CABLES2: variants seen among roughly 807,000 people sequenced by gnomAD.
The protein encoded by CABLES2 is Cdk5 and Abl enzyme substrate 2.
A neutral mutation model predicts 44.8 loss-of-function variants in CABLES2; 35 were observed. The observed-to-expected ratio is 0.78, with a 90% CI of 0.60 to 1.04. The LOEUF is 1.04. CABLES2 is among the 50% of genes least tolerant of loss of function. CABLES2 has a pLI of 0.00. For synonymous variants in CABLES2, 282 were observed against 281.1 expected (o/e 1.00, Z -0.03); for missense variants, 566 against 615.7 (o/e 0.92, Z 0.85).
Position 62,398,088 on chromosome 20 carries a change from A to ATGGTGGTGGTGGTGGTGG in CABLES2, c.363-1497_363-1496insCCACCACCACCACCACCA, listed in dbSNP as rs1569017555. On this transcript the variant is annotated intron_variant, in intron 1 of 9. Transcript: ENST00000279101. ...GGTGGTGACGGTGGTGGTGGTGGTG[A>ATGGTGGTGGTGGTGGTGG]CGGTGGTGGTGGTGGTGATGGTGGT... 5.7e-5 allele frequency among the ~76,000 whole-genome samples: 3 copies of ATGGTGGTGGTGGTGGTGG among 52,248 alleles called. No homozygotes were observed. In the Admixed American group the frequency reaches 5.7e-4, roughly 10 times the overall value. The allele number at this position is 52,248 out of a possible 152,430, so 34.3% of individuals were successfully genotyped here.
intron 4 of CABLES2, among the ~76,000 whole-genome samples, 178 bp from the exon 5 acceptor site, chr20:62,394,443 A>G (rs1385612456): frequency 6.6e-6 from 1 of 152,198 alleles, no homozygotes; most frequent in Non-Finnish European, 1.5e-5. Context: ...CTTTCATGGA[A>G]GGAGGGGTTT....
intron 1 of CABLES2, among the ~76,000 whole-genome samples, chr20:62,397,600 G>C (rs1307186560): frequency 6.6e-6 from 1 of 152,120 alleles, no homozygotes; most frequent in Non-Finnish European, 1.5e-5. Context: ...TAACTCTCAG[G>C]GTCACGCAAC....
chr20:62,393,957 G>T (rs557920175), intron 5 of CABLES2, among the ~76,000 whole-genome samples, 200 bp downstream of exon 5: 1 of 152,322 alleles, frequency 6.6e-6, no homozygotes, highest in East Asian at 1.9e-4. Flanking sequence ...CAGACCTCAG[G>T]CACGGCCAGG....
intron 1 of CABLES2, chr20:62,405,704 G>A (rs1359024263): frequency 6.6e-6 from 1 of 152,312 alleles, no homozygotes; most frequent in East Asian, 1.9e-4. Context: ...ATGACCTCCA[G>A]GTAAGCAAGG....
rs1987901358 is a variant in CABLES2 at position 62,390,833 on chromosome 20, A to C, written c.*138T>G. On this transcript the variant is annotated 3_prime_UTR_variant, in exon 10 of 10. Coordinates refer to ENST00000279101, the MANE Select transcript of CABLES2 (RefSeq NM_031215.3). ...GAAATGGCAAAGAGGCAAAAAGGAA[A>C]GCTGCACCAGCGGAGGCCAGGTGCC... 1 of 972,014 alleles carries C rather than the reference A, an allele frequency of 1.0e-6. No homozygotes were observed. Among genetic ancestry groups the C allele is most frequent in the Admixed American group, 2.4e-5 (1 of 41,052 alleles). 60.2% of individuals were successfully genotyped at this position (972,014 alleles called of 1,614,324 possible). A position where few individuals can be genotyped will look rare whatever the true frequency, so the allele number is the denominator to read the frequency against.
intron 1 of CABLES2, among the ~76,000 whole-genome samples, chr20:62,401,107 C>T (rs576664992): frequency 3.9e-5 from 6 of 152,270 alleles, no homozygotes; most frequent in African/African-American, 7.2e-5. Context: ...CCAGTGGCGC[C>T]GCTCCCACTG....
intron 5 of CABLES2, among the ~76,000 whole-genome samples, 189 bp from the exon 6 acceptor site, chr20:62,393,794 G>A (rs952677375): frequency 2.0e-5 from 3 of 152,180 alleles, no homozygotes; most frequent in Non-Finnish European, 2.9e-5. Flanking sequence ...AGAACATTCC[G>A]GAACACTACT....
chr20:62,391,615 C>A lies in CABLES2; in HGVS notation c.1092-162G>T, dbSNP rs1328553597. Among the ~76,000 whole-genome samples, 1 of 152,178 alleles carries A rather than the reference C, an allele frequency of 6.6e-6. No individual in the cohort carries two copies. The highest frequency in any genetic ancestry group is 1.9e-4 in the East Asian group (1 of 5,188). ...GTACCCTCCGCCGTACCATGTATAA[C>A]GCCCAGGGCAGGGCGCATGGGCAGG... On this transcript the variant is annotated intron_variant, in intron 8 of 9. Transcript: ENST00000279101. The surrounding 1 kb of genome is among the most constrained non-coding windows in gnomAD (Gnocchi z 5.7).
intron 4 of CABLES2, among the ~76,000 whole-genome samples, chr20:62,394,531 T>A (rs950173300): frequency 2.0e-5 from 3 of 152,164 alleles, no homozygotes; most frequent in African/African-American, 7.2e-5. Context: ...GCCCACTAGG[T>A]ACATGTGCCC....
At chr20:62,401,829 T>C (rs1475853890) in intron 1 of CABLES2, among the ~76,000 whole-genome samples, 1 of 152,156 alleles carries the variant, frequency 6.6e-6, no homozygotes, top group East Asian at 1.9e-4. Context: ...CCCAGGCAAA[T>C]GCACTGAGCT....
rs1322239037 is a variant in CABLES2 at position 62,400,408 on chromosome 20, C to T, written c.363-3816G>A. Among the ~76,000 whole-genome samples the T allele has an allele frequency of 3.3e-5, 5 of 152,122 alleles. No individual in the cohort carries two copies. The East Asian group carries it at 9.6e-4, about 29-fold the overall frequency. ...CCCGAGAGGCCCAGGTGAGTGCTGG[C>T]CTGTGATGGGTGACGGCGGACAGAC... On this transcript the variant is annotated intron_variant, in intron 1 of 9. Coordinates refer to ENST00000279101, the MANE Select transcript of CABLES2 (RefSeq NM_031215.3).
rs1351300801 is a variant in CABLES2, at chr20:62,394,226, G to A, written c.645C>T (p.Ser215=). The A allele has an allele frequency of 2.7e-5, 44 of 1,613,410 alleles. No homozygotes were observed. The highest frequency in any genetic ancestry group is 1.3e-4 in the East Asian group (6 of 44,894). The change falls in exon 5 of 10, where the codon TCC becomes TCT. Residue 215 remains serine (S), a synonymous_variant. Transcript: ENST00000279101. ...RVDSQKQRHP[S]GGVSVSSEMV... ...TCTCGGAAGACACAGAGACGCCGCC[G>A]GACGGGTGCCTCTGCTTCTGGCTGT...
rs969911113 is a variant in CABLES2 at position 62,396,695 on chromosome 20, C to A, written c.363-103G>T. On this transcript the variant is annotated intron_variant, in intron 1 of 9. Transcript: ENST00000279101. This position sits in a 1 kb window ranked among gnomAD's most constrained non-coding sequence, Gnocchi z 5.7. ...CGCTGTGCAGGGAAGGGCCACTCTC[C>A]AGCCCAGCGGCGCACCCATGGGCCG... is the stretch of plus-strand genomic sequence containing the variant. 88 of 1,249,160 alleles carry A rather than the reference C, an allele frequency of 7.0e-5. No homozygotes were observed. Among genetic ancestry groups the A allele is most frequent in the Non-Finnish European group, 9.4e-5 (83 of 880,416 alleles). 77.4% of individuals were successfully genotyped at this position (1,249,160 alleles called of 1,614,324 possible).
intron 1 of CABLES2, among the ~76,000 whole-genome samples, chr20:62,406,488 G>T (rs1339130306): frequency 6.6e-6 from 1 of 152,076 alleles, no homozygotes; most frequent in African/African-American, 2.4e-5. Flanking sequence ...TCCAGACCCC[G>T]TATTCAGGGG....
At chr20:62,398,001 GTGA>G (rs1988068117) in intron 1 of CABLES2, among the ~76,000 whole-genome samples, 7 of 109,974 alleles carry the variant, frequency 6.4e-5, no homozygotes, top group Admixed American at 8.7e-5. Context: ...GGTGATGATG[GTGA>G]TGGTTATGGC....
chr20:62,406,724 G>A (rs1312438549), intron 1 of CABLES2, among the ~76,000 whole-genome samples, 191 bp downstream of exon 1: 2 of 150,526 alleles, frequency 1.3e-5, no homozygotes, highest in African/African-American at 4.9e-5. Flanking sequence ...GGGCTGACAA[G>A]GCCCCAGGTG....
At chr20:62,398,234 GTGGTGATGA>G (rs1267635530) in intron 1 of CABLES2, among the ~76,000 whole-genome samples, 11 of 134,216 alleles carry the variant, frequency 8.2e-5, no homozygotes, top group African/African-American at 3.0e-4. Context: ...GGTGGTGACG[GTGGTGATGA>G]TGGTGATGGT....
In CABLES2 at chr20:62,401,809, G is replaced by A. The variant is rs866327237; in HGVS notation, c.362+5106C>T. 1.3e-4 allele frequency among the ~76,000 whole-genome samples: 20 copies of A among 152,334 alleles called. No homozygotes were observed. In the East Asian group the frequency reaches 1.9e-3, roughly 15 times the overall value. ...TGTGTCTCCGCAGGGGAGTGGCTCC[G>A]TGGGGTGTGCCCAGGCAAATGCACT... is the stretch of plus-strand genomic sequence containing the variant. On this transcript the variant is annotated intron_variant, in intron 1 of 9. Coordinates refer to ENST00000279101, the MANE Select transcript of CABLES2 (RefSeq NM_031215.3).
chr20:62,390,677 G>A lies in CABLES2; in HGVS notation c.*294C>T. The A allele has an allele frequency of 2.3e-6, 1 of 430,684 alleles. No individual in the cohort carries two copies. The highest frequency in any genetic ancestry group is 2.6e-5 in the South Asian group (1 of 38,018). 26.7% of individuals were successfully genotyped at this position (430,684 alleles called of 1,614,324 possible). On this transcript the variant is annotated 3_prime_UTR_variant, in exon 10 of 10. Transcript: ENST00000279101. Reference sequence around the variant, plus strand: ...GAACAAAAGGTCCTGGTACCAGGCTGGTCTCAGGCACGTGAAAAAAATACC... The same window carrying A: ...GAACAAAAGGTCCTGGTACCAGGCTAGTCTCAGGCACGTGAAAAAAATACC...
Sources: allele counts gnomAD v4.1 joint callset (sites outside exome capture counted in the v4.1 genomes callset), GRCh38; gene constraint gnomAD v4.1.1; non-coding constraint Gnocchi (gnomAD v3.1); transcripts MANE v1.5; gene names NCBI Gene and HGNC (gene_info 2026-07-23, HGNC 2026-07-21).